The following ZNF704 variants were observed in gnomAD, a reference collection of about 807,000 sequenced individuals.
ZNF704 encodes zinc finger protein 704.
ZNF704 carries 10 observed loss-of-function variants against 44.7 expected under a neutral mutation model. The ratio of observed to expected loss-of-function variants is 0.22; its 90% CI spans 0.14 to 0.38. ZNF704 has a LOEUF of 0.38. Among genes scored for constraint, ZNF704 ranks in the 10% least tolerant of loss-of-function variants. The pLI, the probability that ZNF704 is intolerant of heterozygous loss-of-function variation, is 1.00. For missense variants in ZNF704, 390 were observed against 545.5 expected, an observed-to-expected ratio of 0.71 and a Z score of 2.84; for synonymous variants, 211 against 207.6, an observed-to-expected ratio of 1.02 and a Z score of -0.14.
intron 2 of ZNF704, among the ~76,000 whole-genome samples, chr8:80,729,043 T>C (rs1479813422): frequency 6.6e-6 from 1 of 152,190 alleles, no homozygotes; most frequent in Non-Finnish European, 1.5e-5. Flanking sequence ...ACCTGCAGTT[T>C]TCATCATTCC....
At chr8:80,701,857 G>A (rs1245610087) in intron 2 of ZNF704, among the ~76,000 whole-genome samples, 1 of 152,184 alleles carries the variant, frequency 6.6e-6, no homozygotes, top group Non-Finnish European at 1.5e-5. Context: ...GGGTTGTGGG[G>A]TGGATGGAAA....
chr8:80,823,149 G>A (rs547197240), intron 1 of ZNF704, among the ~76,000 whole-genome samples: 1 of 152,318 alleles, frequency 6.6e-6, no homozygotes, highest in East Asian at 1.9e-4. Flanking sequence ...AGTGCAAAGG[G>A]TCAGGGAATT....
chr8:80,760,222 A>G (rs1807104979), intron 2 of ZNF704, among the ~76,000 whole-genome samples: 1 of 152,200 alleles, frequency 6.6e-6, no homozygotes, highest in Non-Finnish European at 1.5e-5. Flanking sequence ...TAAATAATAC[A>G]CTTGGTACTA....
At position 80,715,142 on chromosome 8, in the gene ZNF704, T is replaced by C. The variant is rs1353766112; in HGVS notation, c.222-22035A>G. ...TCAGATGGGACAGGGAATGAAATAA[T>C]ATTGCAAAAAAATAATTCACTTCCC... On this transcript the variant is annotated intron_variant, in intron 2 of 8. Transcript: ENST00000327835. Among the ~76,000 whole-genome samples, 7 of 152,242 alleles carry C rather than the reference T, an allele frequency of 4.6e-5. No individual in the cohort carries two copies. The South Asian group carries it at 1.5e-3, about 32-fold the overall frequency.
chr8:80,784,011 T>TGG (rs1807575263), intron 2 of ZNF704, among the ~76,000 whole-genome samples: 4 of 152,188 alleles, frequency 2.6e-5, no homozygotes, highest in African/African-American at 9.7e-5. Context: ...TTCTTTCACT[T>TGG]AGTGGTGTGC....
chr8:80,650,333 T>C (rs900349752), intron 7 of ZNF704, among the ~76,000 whole-genome samples: 8 of 152,154 alleles, frequency 5.3e-5, no homozygotes, highest in African/African-American at 1.9e-4. Context: ...TTTGACAAGT[T>C]GAGAGAAGAA....
chr8:80,862,494 G>A (rs1404894679), intron 1 of ZNF704, among the ~76,000 whole-genome samples: 1 of 150,206 alleles, frequency 6.7e-6, no homozygotes, highest in Non-Finnish European at 1.5e-5. Context: ...GCTCACATCT[G>A]TAATCCCAGC....
At chr8:80,843,915 G>A (rs540256288) in intron 1 of ZNF704, among the ~76,000 whole-genome samples, 3 of 150,872 alleles carry the variant, frequency 2.0e-5, no homozygotes, top group Non-Finnish European at 4.4e-5. Flanking sequence ...GTAAGCACAA[G>A]GGAGAACAGT....
At chr8:80,775,085 A>T (rs902376047) in intron 2 of ZNF704, among the ~76,000 whole-genome samples, 2 of 152,204 alleles carry the variant, frequency 1.3e-5, no homozygotes. Context: ...TCGAGCTTCC[A>T]AAAGTGGAAA....
intron 5 of ZNF704, among the ~76,000 whole-genome samples, chr8:80,666,131 C>T (rs1334931520): frequency 7.5e-6 from 1 of 133,946 alleles, no homozygotes; most frequent in East Asian, 2.3e-4. Context: ...CACCCCACCA[C>T]AGTCCCCAGA....
At chr8:80,839,796 T>G (rs1808645554) in intron 1 of ZNF704, among the ~76,000 whole-genome samples, 1 of 151,648 alleles carries the variant, frequency 6.6e-6, no homozygotes, top group African/African-American at 2.4e-5. Flanking sequence ...CCTTCCTGCC[T>G]GTCTTCCTGC....
intron 2 of ZNF704, among the ~76,000 whole-genome samples, chr8:80,741,752 CTTCTAGAGGTT>C (rs1806761531): frequency 6.6e-6 from 1 of 152,158 alleles, no homozygotes; most frequent in African/African-American, 2.4e-5. Flanking sequence ...TCGAGGGGAC[CTTCTAGAGGTT>C]CCCTTGACTG....
In ZNF704 at chr8:80,869,658, T is replaced by C. The variant is rs116118622; in HGVS notation, c.-22+4913A>G. Among the ~76,000 whole-genome samples, 988 of 152,292 alleles carry C rather than the reference T, an allele frequency of 6.5e-3. 10 individuals carry two copies. Among genetic ancestry groups the C allele is most frequent in the African/African-American group, 0.022 (925 of 41,562 alleles). On this transcript the variant is annotated intron_variant, in intron 1 of 8. Transcript: ENST00000327835. Reference sequence around the variant, plus strand: ...CTTTGGTTCCTCCCTAAATGACCCCTCAATGATCCTCACCACCTGGTGTTT... The same window carrying C: ...CTTTGGTTCCTCCCTAAATGACCCCCCAATGATCCTCACCACCTGGTGTTT...
rs188274402 is a variant in ZNF704, at chr8:80,779,015, T to A, written c.221+42359A>T. Among the ~76,000 whole-genome samples, 403 of 150,476 alleles carry A rather than the reference T, an allele frequency of 2.7e-3. 1 individual carries two copies. Among genetic ancestry groups the A allele is most frequent in the African/African-American group, 9.2e-3 (377 of 41,046 alleles). On this transcript the variant is annotated intron_variant, in intron 2 of 8. Transcript: ENST00000327835. Reference sequence around the variant, plus strand: ...GTACCCCTGAACCGAAAATAAAATTTAAAAAAAAAGGGATCACCCATTACA... The same window carrying A: ...GTACCCCTGAACCGAAAATAAAATTAAAAAAAAAAGGGATCACCCATTACA...
intron 2 of ZNF704, among the ~76,000 whole-genome samples, chr8:80,759,596 A>C (rs974183305): frequency 1.3e-4 from 20 of 152,150 alleles, no homozygotes; most frequent in African/African-American, 4.6e-4. Flanking sequence ...ACATAACAAG[A>C]GACTGAGGAG....
At chr8:80,656,170 GCTCTCTCTCTCGATTT>G (rs1301045959) in intron 7 of ZNF704, among the ~76,000 whole-genome samples, 18 of 152,020 alleles carry the variant, frequency 1.2e-4, no homozygotes, top group South Asian at 4.2e-4. Flanking sequence ...ATGTGCTTGT[GCTCTCTCTCTCGATTT>G]CTCTCTCTCT....
At chr8:80,823,437 T>C (rs1306730489) in intron 1 of ZNF704, among the ~76,000 whole-genome samples, 4 of 152,190 alleles carry the variant, frequency 2.6e-5, no homozygotes, top group Admixed American at 2.0e-4. Context: ...TCGAACCTGG[T>C]GGAGCCCACT....
At chr8:80,757,940 T>G (rs948477606) in intron 2 of ZNF704, among the ~76,000 whole-genome samples, 1 of 152,172 alleles carries the variant, frequency 6.6e-6, no homozygotes, top group African/African-American at 2.4e-5. Context: ...TAATGACGCA[T>G]TTCTCAGAAT....
intron 2 of ZNF704, among the ~76,000 whole-genome samples, chr8:80,802,235 C>G (rs566576636): frequency 1.4e-5 from 2 of 147,040 alleles, no homozygotes; most frequent in Non-Finnish European, 3.0e-5. Context: ...GACGGTTTCA[C>G]AGATGAATTC....
Sources: gnomAD v4.1 joint callset for allele counts (sites outside exome capture counted in the v4.1 genomes callset) on GRCh38, gnomAD v4.1.1 for gene constraint, MANE v1.5 for transcripts, NCBI Gene and HGNC (gene_info 2026-07-23, HGNC 2026-07-21) for gene names.